The following HDAC9 variants were observed in gnomAD, a reference collection of about 807,000 sequenced individuals.
HDAC9 encodes the protein MEF-2 interacting transcription repressor (MITR) protein.
In HDAC9, 41 loss-of-function variants were observed where a neutral mutation model predicts 139.4. The ratio of observed to expected loss-of-function variants is 0.29; its 90% CI spans 0.23 to 0.38. The LOEUF is 0.38. HDAC9 is among the 10% of genes least tolerant of loss of function. HDAC9 has a pLI of 1.00. For synonymous variants in HDAC9, 517 were observed against 476.2 expected, an observed-to-expected ratio of 1.09 and a Z score of -1.12; for missense variants, 1,147 against 1,297.0, an observed-to-expected ratio of 0.88 and a Z score of 1.78.
intron 12 of HDAC9, among the ~76,000 whole-genome samples, chr7:18,721,702 G>A (rs781508364): frequency 1.4e-4 from 22 of 151,934 alleles, no homozygotes; most frequent in Non-Finnish European, 2.6e-4. Context: ...TATACATTTG[G>A]TCCCTGTGCG....
At chr7:18,682,464 A>G (rs1439132008) in intron 12 of HDAC9, among the ~76,000 whole-genome samples, 1 of 151,986 alleles carries the variant, frequency 6.6e-6, no homozygotes, top group Non-Finnish European at 1.5e-5. Context: ...CACTCACTCT[A>G]CATATTGATT....
chr7:18,449,705 C>T (rs1792636548), intron 1 of HDAC9, among the ~76,000 whole-genome samples: 1 of 152,052 alleles, frequency 6.6e-6, no homozygotes, highest in Non-Finnish European at 1.5e-5. Context: ...AGAAGGAGCT[C>T]AGAGTTATAA....
chr7:18,212,875 G>A (rs1053985896), intron 2 of HDAC9, among the ~76,000 whole-genome samples: 4 of 152,176 alleles, frequency 2.6e-5, no homozygotes, highest in Non-Finnish European at 4.4e-5. Context: ...GGATGTGTGA[G>A]TCCTAAAAAT....
At chr7:18,474,612 A>G (rs575339956) in intron 1 of HDAC9, among the ~76,000 whole-genome samples, 21 of 152,360 alleles carry the variant, frequency 1.4e-4, no homozygotes, top group Non-Finnish European at 2.6e-4. Context: ...CATTTAAAGC[A>G]TGTTTGAAAT....
chr7:18,701,412 CA>C (rs147870191), intron 12 of HDAC9, among the ~76,000 whole-genome samples: 7 of 84,804 alleles, frequency 8.3e-5, no homozygotes, highest in African/African-American at 3.8e-4. Context: ...AAAAACAAAA[CA>C]AACAAAAAAA....
At chr7:18,768,313 C>T (rs1297814714) in intron 16 of HDAC9, among the ~76,000 whole-genome samples, 1 of 152,128 alleles carries the variant, frequency 6.6e-6, no homozygotes, top group African/African-American at 2.4e-5. Context: ...TCCAAAAGAG[C>T]TTTCTAGACA....
intron 22 of HDAC9, among the ~76,000 whole-genome samples, chr7:18,923,173 C>A (rs930481977): frequency 7.2e-5 from 11 of 152,158 alleles, no homozygotes; most frequent in Admixed American, 6.6e-4. Context: ...GATGGTCCCA[C>A]TTTAATAAAG....
chr7:18,905,465 T>C (rs1585276544), intron 22 of HDAC9, among the ~76,000 whole-genome samples: 2 of 152,374 alleles, frequency 1.3e-5, no homozygotes, highest in African/African-American at 4.8e-5. Context: ...GTGGTGAGGA[T>C]AGTGTGATAC....
rs115615311 is a variant in HDAC9, at chr7:18,706,582, A to G, written c.1732-20998A>G. On this transcript the variant is annotated intron_variant, in intron 12 of 25. Coordinates refer to ENST00000686413, the MANE Select transcript of HDAC9 (RefSeq NM_178425.4). ...AAACAAAGAACTCCTGCCCTTGGCA[A>G]AGCTCACAGTTGAGCGCAGTAGTTC... 9.8e-3 allele frequency among the ~76,000 whole-genome samples: 1,487 copies of G among 152,328 alleles called. 31 individuals carry two copies. The highest frequency in any genetic ancestry group is 0.033 in the African/African-American group (1,388 of 41,584).
intron 24 of HDAC9, among the ~76,000 whole-genome samples, chr7:18,972,356 T>C (rs1784292184): frequency 1.3e-5 from 2 of 151,058 alleles, no homozygotes; most frequent in Admixed American, 6.6e-5. Context: ...AGCTCAATTT[T>C]CGATGAACTT....
At chr7:18,776,957 C>T (rs1210784860) in intron 16 of HDAC9, among the ~76,000 whole-genome samples, 1 of 151,980 alleles carries the variant, frequency 6.6e-6, no homozygotes, top group African/African-American at 2.4e-5. Context: ...CACAGAGCTT[C>T]TGGTCTTCCT....
chr7:18,752,585 G>C (rs1788544943), intron 14 of HDAC9, among the ~76,000 whole-genome samples: 1 of 152,092 alleles, frequency 6.6e-6, no homozygotes, highest in Non-Finnish European at 1.5e-5. Flanking sequence ...GGGACTCCAA[G>C]GATTTGAGTA....
At chr7:18,812,988 T>C (rs1209952194) in intron 17 of HDAC9, among the ~76,000 whole-genome samples, 1 of 152,124 alleles carries the variant, frequency 6.6e-6, no homozygotes, top group Non-Finnish European at 1.5e-5. Context: ...AGGATTCCCA[T>C]TTAGTTCTTT....
At chr7:18,141,408 A>C (rs1288237763) in intron 1 of HDAC9, among the ~76,000 whole-genome samples, 2 of 152,142 alleles carry the variant, frequency 1.3e-5, no homozygotes, top group Non-Finnish European at 2.9e-5. Flanking sequence ...CAGAGCCTAT[A>C]GGCAGGTCTC....
At chr7:18,447,589 A>G (rs929837669) in intron 1 of HDAC9, among the ~76,000 whole-genome samples, 2 of 152,226 alleles carry the variant, frequency 1.3e-5, no homozygotes, top group Non-Finnish European at 2.9e-5. Context: ...TTAGTCATGC[A>G]AATTTAATTT....
rs142773116 is a variant in HDAC9, at chr7:18,434,207, C to T, written c.-41-62055C>T. ...ATATGGCACTGGAGGAACTAGCTAT[C>T]CGTATGCAGAAGATTGAAACTCGAC... is the stretch of plus-strand genomic sequence containing the variant. On this transcript the variant is annotated intron_variant, in intron 1 of 3. Coordinates refer to the HDAC9 transcript ENST00000413509. 6.6e-5 allele frequency among the ~76,000 whole-genome samples: 10 copies of T among 152,296 alleles called. No homozygotes were observed. In the East Asian group the frequency reaches 1.9e-3, roughly 29 times the overall value.
chr7:18,113,653 T>C (rs1783774480), intron 1 of HDAC9, among the ~76,000 whole-genome samples: 1 of 152,220 alleles, frequency 6.6e-6, no homozygotes, highest in Non-Finnish European at 1.5e-5. Flanking sequence ...GATTCTTGCT[T>C]TTAACACACT....
At chr7:18,167,392 T>C (rs1788081066) in intron 2 of HDAC9, among the ~76,000 whole-genome samples, 2 of 152,012 alleles carry the variant, frequency 1.3e-5, no homozygotes, top group Admixed American at 6.6e-5. Flanking sequence ...AGTATAAATT[T>C]GTTTTGAACA....
Position 18,291,141 on chromosome 7 carries a change from C to T in HDAC9, c.-42+626C>T, listed in dbSNP as rs535102033. On this transcript the variant is annotated intron_variant, in intron 1 of 3. Transcript: ENST00000413509. ...CATTTTGAAATATGCCTATTGTGAA[C>T]ATTAAATAAAAGAGGCCTAAAGTTT... 1.1e-4 allele frequency among the ~76,000 whole-genome samples: 17 copies of T among 152,090 alleles called. No homozygotes were observed. The East Asian group carries it at 2.5e-3, about 23-fold the overall frequency.
Sources: allele counts gnomAD v4.1 joint callset (sites outside exome capture counted in the v4.1 genomes callset), GRCh38; gene constraint gnomAD v4.1.1; transcripts MANE v1.5; gene names NCBI Gene and HGNC (gene_info 2026-07-23, HGNC 2026-07-21).